Variants in DCC observed in about 807,000 individuals in gnomAD.
The protein encoded by DCC is netrin receptor DCC.
A neutral mutation model predicts 172.5 loss-of-function variants in DCC; 58 were observed. That is an observed-to-expected ratio of 0.34 (90% CI 0.27 to 0.42). The LOEUF (loss-of-function observed/expected upper bound fraction) is 0.42. Among genes scored for constraint, DCC ranks in the 10% least tolerant of loss-of-function variants. The pLI is 1.00. For missense variants in DCC, 1,740 were observed against 1,791.0 expected, an observed-to-expected ratio of 0.97 and a Z score of 0.51; for synonymous variants, 709 against 644.5, an observed-to-expected ratio of 1.10 and a Z score of -1.52.
rs186919166 is a variant in DCC at position 52,789,177 on chromosome 18, A to G, written c.412+36803A>G. 5.9e-5 allele frequency among the ~76,000 whole-genome samples: 9 copies of G among 152,308 alleles called. No individual in the cohort carries two copies. The East Asian group carries it at 1.2e-3, about 20-fold the overall frequency. On this transcript the variant is annotated intron_variant, in intron 2 of 28. Coordinates refer to ENST00000442544, the MANE Select transcript of DCC (RefSeq NM_005215.4). ...CTAAAACTCAAAACTGTCAGATAAC[A>G]CAATGAAAAACAGCAAAGCCTTTGG...
At chr18:52,938,908 T>C (rs2040420970) in intron 5 of DCC, among the ~76,000 whole-genome samples, 1 of 152,030 alleles carries the variant, frequency 6.6e-6, no homozygotes, top group Admixed American at 6.6e-5. Context: ...CCTGGACCAG[T>C]CCTAAAACCT....
intron 1 of DCC, among the ~76,000 whole-genome samples, chr18:52,735,850 T>A (rs1474203661): frequency 6.6e-6 from 1 of 152,120 alleles, no homozygotes; most frequent in Non-Finnish European, 1.5e-5. Flanking sequence ...CTTTGCATAC[T>A]TCAATTCAAT....
intron 27 of DCC, among the ~76,000 whole-genome samples, chr18:53,510,872 C>G (rs1185510012): frequency 2.0e-5 from 3 of 152,242 alleles, no homozygotes; most frequent in African/African-American, 7.2e-5. Context: ...CTCTCTCACT[C>G]TCACATACTC....
At chr18:52,956,650 G>C (rs1164094880) in intron 5 of DCC, among the ~76,000 whole-genome samples, 1 of 151,984 alleles carries the variant, frequency 6.6e-6, no homozygotes, top group Non-Finnish European at 1.5e-5. Context: ...CTGAAATTTT[G>C]ATTCAGATTC....
At chr18:52,797,592 G>A (rs1318451960) in intron 2 of DCC, among the ~76,000 whole-genome samples, 1 of 152,222 alleles carries the variant, frequency 6.6e-6, no homozygotes, top group Non-Finnish European at 1.5e-5. Flanking sequence ...GACTTTGATG[G>A]GGGTGGGAAC....
chr18:53,475,001 G>A (rs560650681), intron 25 of DCC, among the ~76,000 whole-genome samples: 5 of 152,196 alleles, frequency 3.3e-5, no homozygotes, highest in Non-Finnish European at 5.9e-5. Flanking sequence ...GGGAACTGGA[G>A]CAAAGGTGAC....
intron 1 of DCC, among the ~76,000 whole-genome samples, chr18:52,386,408 T>C (rs1985801434): frequency 6.6e-6 from 1 of 152,114 alleles, no homozygotes; most frequent in Non-Finnish European, 1.5e-5. Flanking sequence ...GGGATTTTGG[T>C]AATCCTCATA....
At chr18:52,660,625 T>C (rs540020517) in intron 1 of DCC, among the ~76,000 whole-genome samples, 1 of 152,336 alleles carries the variant, frequency 6.6e-6, no homozygotes, top group East Asian at 1.9e-4. Context: ...CCTATAAGTC[T>C]TTCTTAACTT....
At chr18:52,961,516 G>C (rs1416593774) in intron 5 of DCC, among the ~76,000 whole-genome samples, 2 of 152,108 alleles carry the variant, frequency 1.3e-5, no homozygotes, top group African/African-American at 4.8e-5. Context: ...CAGGAAGAGG[G>C]TATACACTTC....
At chr18:53,130,282 T>C (rs1179232603) in intron 7 of DCC, among the ~76,000 whole-genome samples, 1 of 152,106 alleles carries the variant, frequency 6.6e-6, no homozygotes, top group Non-Finnish European at 1.5e-5. Context: ...AAAGAGCAGC[T>C]TTTTAAAGTC....
At chr18:52,864,883 T>G (rs1338205288) in intron 2 of DCC, among the ~76,000 whole-genome samples, 1 of 152,020 alleles carries the variant, frequency 6.6e-6, no homozygotes, top group Admixed American at 6.6e-5. Context: ...TTATTTTTAT[T>G]GAGACGGAGT....
chr18:53,487,103 G>A lies in DCC; in HGVS notation c.3898+145G>A, dbSNP rs191346807. On this transcript the variant is annotated intron_variant, in intron 26 of 28. Coordinates refer to ENST00000442544, the MANE Select transcript of DCC (RefSeq NM_005215.4). ...CTAGAATGTTCCTTTCCAACACAGT[G>A]CTTTGGATCCTAGCTCATGTGCATT... 2.1e-5 allele frequency: 24 copies of A among 1,122,598 alleles called. No individual in the cohort carries two copies. The East Asian group carries it at 5.7e-4, about 26-fold the overall frequency. 69.5% of individuals were successfully genotyped at this position (1,122,598 alleles called of 1,614,324 possible).
At chr18:52,487,520 G>A (rs1438411241) in intron 1 of DCC, among the ~76,000 whole-genome samples, 5 of 152,060 alleles carry the variant, frequency 3.3e-5, no homozygotes, top group Non-Finnish European at 7.4e-5. Context: ...ATAAACGTTA[G>A]AGGAAGTAGA....
At chr18:53,208,008 A>G (rs917286984) in intron 11 of DCC, among the ~76,000 whole-genome samples, 191 bp downstream of exon 11, 2 of 152,116 alleles carry the variant, frequency 1.3e-5, no homozygotes, top group African/African-American at 4.8e-5. Context: ...TCACACAGGT[A>G]ATCCTAGCAC....
At chr18:52,834,716 A>G (rs1037785219) in intron 2 of DCC, among the ~76,000 whole-genome samples, 2 of 152,242 alleles carry the variant, frequency 1.3e-5, no homozygotes, top group Admixed American at 6.5e-5. Context: ...TTGAAAAATT[A>G]GAAAAGAAAT....
chr18:53,262,979 G>C (rs982994689), intron 12 of DCC, among the ~76,000 whole-genome samples: 10 of 151,982 alleles, frequency 6.6e-5, no homozygotes, highest in Non-Finnish European at 1.3e-4. Flanking sequence ...TAGATTTATT[G>C]GTCTTTCATT....
In DCC at chr18:52,358,033, CT is replaced by C. The variant is rs376641946; in HGVS notation, c.91+17156del. Among the ~76,000 whole-genome samples, 115 of 152,226 alleles carry C rather than the reference CT, an allele frequency of 7.6e-4. 1 individual carries two copies. The highest frequency in any genetic ancestry group is 2.6e-3 in the African/African-American group (106 of 41,540). ...AAGTCATGTTGATAGCATGTACCCC[CT>C]GATATGATGTGATAAGGATGGCATT... is the stretch of plus-strand genomic sequence containing the variant. On this transcript the variant is annotated intron_variant, in intron 1 of 28. Coordinates refer to ENST00000442544, the MANE Select transcript of DCC (RefSeq NM_005215.4).
chr18:52,934,003 T>C (rs1003350589), intron 5 of DCC, among the ~76,000 whole-genome samples: 1 of 152,066 alleles, frequency 6.6e-6, no homozygotes, highest in Non-Finnish European at 1.5e-5. Context: ...GATCCCCTCC[T>C]AGCCTTCATG....
At chr18:52,474,249 A>AT (rs1989032385) in intron 1 of DCC, among the ~76,000 whole-genome samples, 1 of 149,106 alleles carries the variant, frequency 6.7e-6, no homozygotes, top group African/African-American at 2.4e-5. Flanking sequence ...AGAGAAAGAG[A>AT]GAGAAGCAAT....
Sources: gnomAD v4.1 joint callset for allele counts (sites outside exome capture counted in the v4.1 genomes callset) on GRCh38, gnomAD v4.1.1 for gene constraint, MANE v1.5 for transcripts, NCBI Gene and HGNC (gene_info 2026-07-23, HGNC 2026-07-21) for gene names.